Variants in PTGER3 observed in about 807,000 individuals in gnomAD.
PTGER3 encodes prostaglandin E2 receptor EP3 subtype.
A neutral mutation model predicts 34.7 loss-of-function variants in PTGER3; 22 were observed. The ratio of observed to expected loss-of-function variants is 0.63; its 90% CI spans 0.45 to 0.91. PTGER3 has a LOEUF of 0.91. PTGER3 is among the 40% of genes least tolerant of loss of function. The probability of loss-of-function intolerance (pLI) is 0.00; values close to 1 mark genes in which losing one functional copy is unlikely to be tolerated. For synonymous variants in PTGER3, 241 were observed against 230.1 expected, an observed-to-expected ratio of 1.05 and a Z score of -0.43; for missense variants, 468 against 519.4, an observed-to-expected ratio of 0.90 and a Z score of 0.96.
chr1:70,967,327 T>C (rs142217320), downstream of PTGER3, among the ~76,000 whole-genome samples: 38 of 152,296 alleles, frequency 2.5e-4, no homozygotes, highest in African/African-American at 8.4e-4. Context: ...GCAATTTCTA[T>C]GTGCTTAGTA....
At chr1:70,865,762 C>T in intron 4 of PTGER3, 1 of 1,367,222 alleles carries the variant, frequency 7.3e-7, no homozygotes, top group Non-Finnish European at 9.8e-7. Flanking sequence ...AGGACAAATC[C>T]AAGAACCAAC....
chr1:71,003,537 T>A (rs1656673820), intron 2 of PTGER3, among the ~76,000 whole-genome samples: 1 of 152,328 alleles, frequency 6.6e-6, no homozygotes, highest in East Asian at 1.9e-4. Flanking sequence ...ATATTTTTTT[T>A]AAATGGGTCT....
At chr1:70,977,575 G>A (rs1213112651) in intron 2 of PTGER3, among the ~76,000 whole-genome samples, 1 of 151,972 alleles carries the variant, frequency 6.6e-6, no homozygotes, top group Admixed American at 6.6e-5. Flanking sequence ...AGTGTAACTT[G>A]GCATAAATCT....
intron 1 of PTGER3, among the ~76,000 whole-genome samples, chr1:71,013,627 G>A (rs569377015): frequency 6.2e-4 from 94 of 151,790 alleles, no homozygotes; most frequent in Non-Finnish European, 8.8e-4. Flanking sequence ...CCTTGAACCC[G>A]GGAGGTGGAG....
chr1:70,879,512 T>G (rs1004814965), intron 4 of PTGER3, among the ~76,000 whole-genome samples: 1 of 152,184 alleles, frequency 6.6e-6, no homozygotes, highest in Admixed American at 6.5e-5. Flanking sequence ...CCTCCTAAAG[T>G]GCTGGGATTA....
intron 2 of PTGER3, among the ~76,000 whole-genome samples, chr1:70,964,249 G>C (rs1364721485): frequency 6.6e-6 from 1 of 152,136 alleles, no homozygotes; most frequent in Non-Finnish European, 1.5e-5. Context: ...TATCTTCTGA[G>C]CCCTGCACAC....
At chr1:70,992,957 C>A (rs1212606793) in intron 2 of PTGER3, among the ~76,000 whole-genome samples, 1 of 152,112 alleles carries the variant, frequency 6.6e-6, no homozygotes, top group East Asian at 1.9e-4. Context: ...CTGGGTAGAA[C>A]TTTTTGAGAT....
At chr1:70,981,709 C>T (rs2100729380) in intron 2 of PTGER3, among the ~76,000 whole-genome samples, 1 of 152,088 alleles carries the variant, frequency 6.6e-6, no homozygotes, top group African/African-American at 2.4e-5. Context: ...GTGCATGGCC[C>T]ATAATGCTGT....
intron 4 of PTGER3, among the ~76,000 whole-genome samples, chr1:70,905,966 G>T (rs993895003): frequency 2.6e-5 from 4 of 152,120 alleles, no homozygotes; most frequent in Non-Finnish European, 5.9e-5. Context: ...GGTGGGAGGT[G>T]ATTGAATTAT....
chr1:70,981,124 G>A (rs974560923), intron 2 of PTGER3, among the ~76,000 whole-genome samples: 4 of 151,968 alleles, frequency 2.6e-5, no homozygotes, highest in Admixed American at 2.6e-4. Context: ...AAATAACTGG[G>A]TCCAATAATG....
intron 4 of PTGER3, among the ~76,000 whole-genome samples, chr1:70,933,248 C>T (rs1648892773): frequency 6.6e-6 from 1 of 152,120 alleles, no homozygotes; most frequent in Admixed American, 6.6e-5. Flanking sequence ...TGAAGTCTTG[C>T]AGATTCATCT....
chr1:70,977,121 G>C (rs377719027), intron 2 of PTGER3, among the ~76,000 whole-genome samples: 3 of 152,150 alleles, frequency 2.0e-5, no homozygotes, highest in Admixed American at 2.0e-4. Context: ...TTTGGAGGGA[G>C]GGTCGGTGTT....
exon 5 of PTGER3, chr1:70,852,544 A>G (rs951866284): frequency 2.3e-6 from 1 of 437,574 alleles, no homozygotes; most frequent in Non-Finnish European, 4.0e-6. Context: ...CTCAAGAAAC[A>G]TAATTTTCAA....
At chr1:70,885,294 G>T (rs6684573) in intron 4 of PTGER3, among the ~76,000 whole-genome samples, 18,228 of 151,874 alleles carry the variant, frequency 0.12, 2,356 homozygotes, top group African/African-American at 0.3. Context: ...TAAAAAATGT[G>T]TTATACTCCA....
At chr1:71,046,057 G>A (rs1660755828) in intron 1 of PTGER3, among the ~76,000 whole-genome samples, 1 of 151,560 alleles carries the variant, frequency 6.6e-6, no homozygotes, top group Admixed American at 6.6e-5. Context: ...ACTTTGGGAG[G>A]CCGAGGCGGG....
downstream of PTGER3, among the ~76,000 whole-genome samples, chr1:70,968,883 C>CA (rs985412825): frequency 6.6e-6 from 1 of 151,768 alleles, no homozygotes; most frequent in Admixed American, 6.6e-5. Flanking sequence ...ATTACTTTAA[C>CA]AAAAAAACCT....
chr1:70,981,433 A>T, intron 2 of PTGER3, among the ~76,000 whole-genome samples: 1 of 132,904 alleles, frequency 7.5e-6, no homozygotes, highest in East Asian at 2.2e-4. Context: ...CTTTTCTTTC[A>T]GACAGAGTCT....
chr1:70,900,540 T>C (rs1646813445), intron 4 of PTGER3, among the ~76,000 whole-genome samples: 1 of 137,216 alleles, frequency 7.3e-6, no homozygotes, highest in African/African-American at 2.6e-5. Context: ...AATATACAAA[T>C]GATGAATTTA....
At chr1:70,995,750 T>C (rs1572885928) in intron 2 of PTGER3, among the ~76,000 whole-genome samples, 1 of 152,156 alleles carries the variant, frequency 6.6e-6, no homozygotes, top group Non-Finnish European at 1.5e-5. Context: ...CCTTAGAAAG[T>C]ACAAAATACT....
Sources: gnomAD v4.1 joint callset for allele counts (sites outside exome capture counted in the v4.1 genomes callset) on GRCh38, gnomAD v4.1.1 for gene constraint, MANE v1.5 for transcripts, NCBI Gene and HGNC (gene_info 2026-07-23, HGNC 2026-07-21) for gene names.